The following TANGO6 variants were observed in gnomAD, a reference collection of about 807,000 sequenced individuals.
The protein encoded by TANGO6 is transport and Golgi organization protein 6 homolog.
A neutral mutation model predicts 114.2 loss-of-function variants in TANGO6; 90 were observed. The observed-to-expected ratio is 0.79, with a 90% CI of 0.66 to 0.94. TANGO6 has a LOEUF of 0.94. TANGO6 is among the 40% of genes least tolerant of loss of function. The pLI is 0.00. For missense variants in TANGO6, 1,274 were observed against 1,315.3 expected (o/e 0.97, Z 0.49); for synonymous variants, 477 against 509.8 (o/e 0.94, Z 0.87).
intron 14 of TANGO6, chr16:68,937,246 G>C (rs906867313): frequency 6.6e-6 from 1 of 152,160 alleles, no homozygotes; most frequent in Non-Finnish European, 1.5e-5. Context: ...TCCTGGAAAA[G>C]GGAAGATTTC....
In TANGO6 at chr16:68,860,122, C is replaced by T; in HGVS notation, c.333C>T (p.Arg111=). ...TGTGCTTGAAGGAAACCATGATCCG[C>T]CTTGCAGCTAATTTCAATCCAGGTA... ...LLLCLKETMI[R]LAANFNPGKP... is the part of the protein sequence containing the mutation. Residue 111 remains arginine, a synonymous_variant, in exon 2 of 18, where the codon CGC becomes CGT. Coordinates refer to ENST00000261778, the MANE Select transcript of TANGO6 (RefSeq NM_024562.2). 5 of 1,614,016 alleles carry T rather than the reference C, an allele frequency of 3.1e-6. No homozygotes were observed. The highest frequency in any genetic ancestry group is 4.2e-6 in the Non-Finnish European group (5 of 1,179,890).
intron 16 of TANGO6, chr16:69,034,716 T>A (rs1959658112): frequency 6.6e-6 from 1 of 152,148 alleles, no homozygotes; most frequent in Non-Finnish European, 1.5e-5. Context: ...GTGATCCAGA[T>A]TTGGGCACTG....
At chr16:69,015,618 A>T (rs968803716) in intron 15 of TANGO6, among the ~76,000 whole-genome samples, 1 of 151,924 alleles carries the variant, frequency 6.6e-6, no homozygotes, top group African/African-American at 2.4e-5. Flanking sequence ...AGTAGCTGGG[A>T]CTACAGGCGC....
chr16:68,871,773 C>A (rs534648836), intron 4 of TANGO6, among the ~76,000 whole-genome samples: 2 of 152,284 alleles, frequency 1.3e-5, no homozygotes, highest in East Asian at 1.9e-4. Flanking sequence ...GCATGCGCCA[C>A]CACACCCAAC....
At chr16:69,036,084 G>C (rs867449419) in intron 16 of TANGO6, 1 of 151,124 alleles carries the variant, frequency 6.6e-6, no homozygotes, top group South Asian at 2.1e-4. Context: ...TGCCCTCTGA[G>C]AGGACTTAGA....
intron 15 of TANGO6, among the ~76,000 whole-genome samples, chr16:69,003,202 A>T (rs775896330): frequency 6.6e-6 from 1 of 152,216 alleles, no homozygotes; most frequent in Non-Finnish European, 1.5e-5. Context: ...CCATGGATGC[A>T]CAAGGTGTCT....
intron 1 of TANGO6, among the ~76,000 whole-genome samples, chr16:68,855,607 G>A (rs1456354918): frequency 2.0e-5 from 3 of 151,232 alleles, no homozygotes; most frequent in Non-Finnish European, 2.9e-5. Context: ...AATTTCAGCC[G>A]GGCGTGGTGG....
Position 69,003,129 on chromosome 16 carries a change from TC to T in TANGO6, c.2843-19693del, listed in dbSNP as rs376062109. 4.7e-3 allele frequency among the ~76,000 whole-genome samples: 708 copies of T among 151,920 alleles called. 3 individuals are homozygous for T. Among genetic ancestry groups the T allele is most frequent in the South Asian group, 0.016 (78 of 4,806 alleles). Reference sequence around the variant, plus strand: ...CACCTCTGGCTTTTAAGCCCTTTTTTCCCCCCTCAAAGGTATTTTTCCAGGT... The same window carrying T: ...CACCTCTGGCTTTTAAGCCCTTTTTTCCCCCTCAAAGGTATTTTTCCAGGT... On this transcript the variant is annotated intron_variant, in intron 15 of 17. Transcript: ENST00000261778.
At chr16:68,973,572 G>A (rs1379283872) in intron 14 of TANGO6, among the ~76,000 whole-genome samples, 9 of 152,164 alleles carry the variant, frequency 5.9e-5, no homozygotes, top group Non-Finnish European at 1.2e-4. Context: ...CAAGTCCTAC[G>A]AAGGGGGGAC....
intron 15 of TANGO6, among the ~76,000 whole-genome samples, chr16:69,003,780 C>G (rs866849859): frequency 1.3e-5 from 2 of 151,960 alleles, no homozygotes; most frequent in South Asian, 4.1e-4. Flanking sequence ...TTCTTCTTTC[C>G]TAAATAATCA....
chr16:68,941,817 T>C (rs1241155782), intron 14 of TANGO6, among the ~76,000 whole-genome samples: 1 of 151,928 alleles, frequency 6.6e-6, no homozygotes, highest in Non-Finnish European at 1.5e-5. Flanking sequence ...CTGAAAATAT[T>C]TGATGAAAAC....
chr16:69,044,604 G>A (rs975448119), intron 17 of TANGO6, among the ~76,000 whole-genome samples: 1 of 152,128 alleles, frequency 6.6e-6, no homozygotes, highest in Admixed American at 6.6e-5. Context: ...GATTGAGTGT[G>A]GGGAAGCCAC....
At chr16:69,050,718 G>A (rs1567566210) in intron 17 of TANGO6, among the ~76,000 whole-genome samples, 1 of 151,974 alleles carries the variant, frequency 6.6e-6, no homozygotes, top group African/African-American at 2.4e-5. Context: ...TTAAACTCCT[G>A]ACCTCATGAT....
In TANGO6 at chr16:68,880,605, G is replaced by A. The variant is rs1962445768; in HGVS notation, c.1352G>A (p.Ser451Asn). The stretch of plus-strand genomic sequence containing the variant: ...ATTTTGGTGACAGAAGAAGAACTTA[G>A]TAGATGCATTGAGGATGTGTTTAAG... Reference protein sequence around the residue: ...GTILVTEEELSRCIEDVFKVY... With the variant: ...GTILVTEEELNRCIEDVFKVY... Residue 451 changes from serine (S) to asparagine (N), a missense_variant, in exon 7 of 18, where the codon AGT (serine) becomes AAT (asparagine). Ser to Asn is a conservative substitution (Grantham distance 46). Coordinates refer to ENST00000261778, the MANE Select transcript of TANGO6 (RefSeq NM_024562.2). 1 of 1,612,516 alleles carries A rather than the reference G, an allele frequency of 6.2e-7. No individual in the cohort carries two copies. Among genetic ancestry groups the A allele is most frequent in the African/African-American group, 1.3e-5 (1 of 74,998 alleles).
intron 15 of TANGO6, among the ~76,000 whole-genome samples, chr16:69,005,976 A>G (rs1220120898): frequency 6.6e-6 from 1 of 152,218 alleles, no homozygotes; most frequent in Non-Finnish European, 1.5e-5. Context: ...AGAAACAATG[A>G]AAATTTAGAA....
At chr16:68,862,007 C>T (rs1179310046) in intron 2 of TANGO6, among the ~76,000 whole-genome samples, 1 of 151,720 alleles carries the variant, frequency 6.6e-6, no homozygotes, top group African/African-American at 2.4e-5. Flanking sequence ...TAGATGGAGA[C>T]ATCTATTTTT....
intron 1 of TANGO6, among the ~76,000 whole-genome samples, chr16:68,852,032 G>A (rs1961910247): frequency 6.6e-6 from 1 of 152,026 alleles, no homozygotes; most frequent in Admixed American, 6.6e-5. Flanking sequence ...AATATATTAT[G>A]AACATGTCAT....
At chr16:68,888,940 T>A (rs1962575346) in intron 7 of TANGO6, among the ~76,000 whole-genome samples, 1 of 152,112 alleles carries the variant, frequency 6.6e-6, no homozygotes, top group Admixed American at 6.6e-5. Context: ...AGCCTCTGAG[T>A]AGCTGGGATT....
chr16:68,939,031 C>T (rs1426821975), intron 14 of TANGO6, among the ~76,000 whole-genome samples: 2 of 142,944 alleles, frequency 1.4e-5, no homozygotes, highest in Non-Finnish European at 3.0e-5. Flanking sequence ...ATGATCACAC[C>T]ACTGCACTCC....
Sources: gnomAD v4.1 joint callset for allele counts (sites outside exome capture counted in the v4.1 genomes callset) on GRCh38, gnomAD v4.1.1 for gene constraint, MANE v1.5 for transcripts, NCBI Gene and HGNC (gene_info 2026-07-23, HGNC 2026-07-21) for gene names.